Variants in CDK17 observed in about 807,000 individuals in gnomAD.
CDK17 encodes the protein cyclin-dependent kinase 17.
A neutral mutation model predicts 77.6 loss-of-function variants in CDK17; 24 were observed. The ratio of observed to expected loss-of-function variants is 0.31; its 90% CI spans 0.22 to 0.44. The LOEUF (loss-of-function observed/expected upper bound fraction) is 0.44. CDK17 is among the 20% of genes least tolerant of loss of function. CDK17 has a pLI of 1.00. For synonymous variants in CDK17, 203 were observed against 210.4 expected, an observed-to-expected ratio of 0.96 and a Z score of 0.30; for missense variants, 429 against 622.5, an observed-to-expected ratio of 0.69 and a Z score of 3.31.
rs754532749 is a variant in CDK17, at chr12:96,311,181, A to T, written c.418-4T>A. The T allele has an allele frequency of 3.1e-5, 12 of 390,820 alleles. No individual in the cohort carries two copies. Among genetic ancestry groups the T allele is most frequent in the South Asian group, 8.3e-5 (1 of 11,996 alleles). The allele number at this position is 390,820 out of a possible 1,614,324, so 24.2% of individuals were successfully genotyped here. ...GTGATAACCGCTTATTTAAATCCTTAAAAAAAAAAAAAGGTAATCCAAAAT... is the reference window on the plus strand; with the variant it reads ...GTGATAACCGCTTATTTAAATCCTTTAAAAAAAAAAAAGGTAATCCAAAAT... On this transcript the variant is annotated splice_polypyrimidine_tract_variant and splice_region_variant and intron_variant, in intron 4 of 16. Transcript: ENST00000261211.
At chr12:96,316,492 C>T (rs1952721344) in intron 3 of CDK17, among the ~76,000 whole-genome samples, 1 of 149,048 alleles carries the variant, frequency 6.7e-6, no homozygotes, top group Non-Finnish European at 1.5e-5. Flanking sequence ...TAGGCTCCAC[C>T]TCTGGGGGCA....
intron 1 of CDK17, chr12:96,387,060 G>A: frequency 2.9e-6 from 1 of 341,734 alleles, no homozygotes; most frequent in Non-Finnish European, 5.8e-6. Flanking sequence ...TCTGTCTTCA[G>A]GGTCATTTTC....
In CDK17 at chr12:96,278,478, G is replaced by A. The variant is rs1592699453; in HGVS notation, c.*1764C>T. ...AGTGAGACTTCATTATCTTAAGAACGACCCATAAAAGAAAAGGACCCCACT... is the reference window on the plus strand; with the variant it reads ...AGTGAGACTTCATTATCTTAAGAACAACCCATAAAAGAAAAGGACCCCACT... On this transcript the variant is annotated 3_prime_UTR_variant, in exon 17 of 17. Coordinates refer to ENST00000261211, the MANE Select transcript of CDK17 (RefSeq NM_002595.5). 6.6e-6 allele frequency: 1 copy of A among 152,312 alleles called. No individual in the cohort carries two copies. Among genetic ancestry groups the A allele is most frequent in the Non-Finnish European group, 1.5e-5 (1 of 67,936 alleles). 9.4% of individuals were successfully genotyped at this position (152,312 alleles called of 1,614,324 possible).
chr12:96,383,114 A>G (rs2069343755), intron 1 of CDK17, among the ~76,000 whole-genome samples: 1 of 152,166 alleles, frequency 6.6e-6, no homozygotes, highest in South Asian at 2.1e-4. Context: ...TTTCTATATT[A>G]CAACATTCTA....
chr12:96,322,128 C>A (rs1952827665), intron 3 of CDK17, among the ~76,000 whole-genome samples: 2 of 152,100 alleles, frequency 1.3e-5, no homozygotes, highest in Admixed American at 1.3e-4. Context: ...GACATGACTA[C>A]CAGTCGGTAT....
intron 1 of CDK17, among the ~76,000 whole-genome samples, chr12:96,382,015 T>C (rs1377787660): frequency 6.6e-6 from 1 of 152,134 alleles, no homozygotes; most frequent in Non-Finnish European, 1.5e-5. Context: ...TGGCACATTA[T>C]TCGTGGTACT....
intron 3 of CDK17, among the ~76,000 whole-genome samples, chr12:96,318,686 C>A (rs888886074): frequency 2.1e-5 from 3 of 145,688 alleles, no homozygotes; most frequent in Non-Finnish European, 4.5e-5. Flanking sequence ...GAACAACCTG[C>A]TCCTGAATGA....
intron 1 of CDK17, among the ~76,000 whole-genome samples, chr12:96,390,664 G>A (rs1247466236): frequency 7.6e-6 from 1 of 131,972 alleles, no homozygotes. Flanking sequence ...AGCAGAGATC[G>A]CACCACTGCA....
At position 96,317,601 on chromosome 12, in the gene CDK17, C is replaced by G. The variant is rs1262337236; in HGVS notation, c.284-4147G>C. Among the ~76,000 whole-genome samples the G allele has an allele frequency of 4.3e-4, 54 of 125,958 alleles. 2 individuals are homozygous for G. In the South Asian group the frequency reaches 0.01, roughly 24 times the overall value. 82.6% of individuals were successfully genotyped at this position (125,958 alleles called of 152,430 possible). ...CCCATCAGACTAACAGTGGATCTCT[C>G]GGCAGAAACCCTACAAGCCAGAAGA... is the stretch of plus-strand genomic sequence containing the variant. On this transcript the variant is annotated intron_variant, in intron 3 of 16. Coordinates refer to ENST00000261211, the MANE Select transcript of CDK17 (RefSeq NM_002595.5).
At chr12:96,387,830 C>T (rs1954000534) in intron 1 of CDK17, among the ~76,000 whole-genome samples, 1 of 151,958 alleles carries the variant, frequency 6.6e-6, no homozygotes, top group Non-Finnish European at 1.5e-5. Flanking sequence ...GTGGTCCCAG[C>T]TGCTCAGGAA....
At chr12:96,360,519 T>C (rs969044499) in intron 1 of CDK17, among the ~76,000 whole-genome samples, 16 of 152,210 alleles carry the variant, frequency 1.1e-4, no homozygotes, top group African/African-American at 3.9e-4. Context: ...TTCTGAAGAA[T>C]TTTAGATGCC....
chr12:96,367,477 A>G (rs1290241579), intron 1 of CDK17, among the ~76,000 whole-genome samples: 1 of 152,124 alleles, frequency 6.6e-6, no homozygotes, highest in Non-Finnish European at 1.5e-5. Context: ...CAGTCGAAAT[A>G]AGAAAATGTG....
intron 1 of CDK17, among the ~76,000 whole-genome samples, chr12:96,371,705 C>T (rs938930614): frequency 2.6e-5 from 4 of 151,818 alleles, no homozygotes; most frequent in Non-Finnish European, 5.9e-5. Context: ...GCACTCCAGC[C>T]TAGGCAACAA....
At chr12:96,297,234 A>G (rs774397634) in intron 9 of CDK17, 36 bp downstream of exon 9, 1 of 1,436,292 alleles carries the variant, frequency 7.0e-7, no homozygotes, top group Non-Finnish European at 9.7e-7. Flanking sequence ...TATGCTTTAA[A>G]CAAAATTTAA....
At chr12:96,344,284 G>T (rs553896270) in intron 1 of CDK17, among the ~76,000 whole-genome samples, 7 of 152,168 alleles carry the variant, frequency 4.6e-5, no homozygotes, top group African/African-American at 1.4e-4. Context: ...AATATTTGAA[G>T]AAATAACGGT....
chr12:96,323,689 A>G (rs1952855788), intron 3 of CDK17, among the ~76,000 whole-genome samples: 1 of 152,216 alleles, frequency 6.6e-6, no homozygotes, highest in African/African-American at 2.4e-5. Flanking sequence ...CCAAACTGCC[A>G]TTCATCTTGA....
intron 3 of CDK17, among the ~76,000 whole-genome samples, chr12:96,321,605 T>C (rs1231149291): frequency 3.0e-5 from 1 of 33,392 alleles, no homozygotes; most frequent in Non-Finnish European, 5.9e-5. Flanking sequence ...GTGGCACATA[T>C]ACACCATGGA....
intron 1 of CDK17, among the ~76,000 whole-genome samples, chr12:96,335,961 C>T (rs1005774728): frequency 1.2e-4 from 18 of 152,118 alleles, no homozygotes; most frequent in African/African-American, 3.9e-4. Flanking sequence ...TTTTACCATC[C>T]AGCTCCAGAT....
At chr12:96,344,041 T>C (rs1953161979) in intron 1 of CDK17, among the ~76,000 whole-genome samples, 1 of 152,012 alleles carries the variant, frequency 6.6e-6, no homozygotes, top group African/African-American at 2.4e-5. Flanking sequence ...AAGCTAAAAA[T>C]TACAATAACT....
Sources: allele counts gnomAD v4.1 joint callset (sites outside exome capture counted in the v4.1 genomes callset), GRCh38; gene constraint gnomAD v4.1.1; transcripts MANE v1.5; gene names NCBI Gene and HGNC (gene_info 2026-07-23, HGNC 2026-07-21).